The following DHX57 variants were observed in gnomAD, a reference collection of about 807,000 sequenced individuals.
DHX57 encodes putative ATP-dependent RNA helicase DHX57.
Under a neutral mutation model 156.2 loss-of-function variants are expected in DHX57, and 105 were observed. The observed-to-expected ratio is 0.67, with a 90% confidence interval of 0.57 to 0.79. The LOEUF (loss-of-function observed/expected upper bound fraction) is 0.79, where lower values mean the gene tolerates loss of function less well. Among genes scored for constraint, DHX57 ranks in the 30% least tolerant of loss-of-function variants. DHX57 has a pLI of 0.00. For missense variants in DHX57, 1,847 were observed against 1,661.9 expected, an observed-to-expected ratio of 1.11 and a Z score of -1.94; for synonymous variants, 704 against 595.6, an observed-to-expected ratio of 1.18 and a Z score of -2.65.
In DHX57 at chr2:38,813,765, C is replaced by T. The variant is rs1408455601; in HGVS notation, c.3681+56G>A. ...TTAATATGCACATCTTAACTTACAT[C>T]ACTTGGCTACAAATCAAACAAAAAA... On this transcript the variant is annotated intron_variant, in intron 21 of 23. Transcript: ENST00000457308. 4.4e-6 allele frequency: 7 copies of T among 1,582,014 alleles called. No individual in the cohort carries two copies. The African/African-American group carries it at 6.7e-5, about 15-fold the overall frequency.
At chr2:38,799,021 A>G (rs1291587283) in intron 23 of DHX57, among the ~76,000 whole-genome samples, 2 of 152,074 alleles carry the variant, frequency 1.3e-5, no homozygotes, top group Non-Finnish European at 2.9e-5. Context: ...AGTTTGGTCA[A>G]TTTTTATGAT....
chr2:38,798,489 G>A lies in DHX57; in HGVS notation c.4018-47C>T, dbSNP rs1558345956. ...AAGCAGTGCTTGGAGGAACAGGCAG[G>A]ATAGGTTATTGGAGGGAAATACCCA... On this transcript the variant is annotated intron_variant, in intron 23 of 23. Coordinates refer to ENST00000457308, the MANE Select transcript of DHX57 (RefSeq NM_198963.3). The A allele has an allele frequency of 1.9e-6, 3 of 1,555,748 alleles. No individual in the cohort carries two copies. In the South Asian group the frequency reaches 3.7e-5, roughly 19 times the overall value.
rs566884967 is a variant in DHX57 at position 38,799,566 on chromosome 2, C to T, written c.4018-1124G>A. The stretch of plus-strand genomic sequence containing the variant: ...GGAAGTTCGAGACCAGCTTGACCAA[C>T]ATGGAGAAACCCCATCTCTACTAAA... On this transcript the variant is annotated intron_variant, in intron 23 of 23. Transcript: ENST00000457308. Among the ~76,000 whole-genome samples, 3 of 146,798 alleles carry T rather than the reference C, an allele frequency of 2.0e-5. No homozygotes were observed. In the East Asian group the frequency reaches 6.3e-4, roughly 31 times the overall value.
chr2:38,831,793 G>C (rs943646160), intron 13 of DHX57, among the ~76,000 whole-genome samples: 3 of 149,574 alleles, frequency 2.0e-5, no homozygotes, highest in Admixed American at 6.8e-5. Context: ...GGAGGCGGAG[G>C]TTGCAGTGAG....
intron 4 of DHX57, 148 bp downstream of exon 4, chr2:38,861,997 A>C: frequency 8.4e-7 from 1 of 1,196,650 alleles, no homozygotes; most frequent in Non-Finnish European, 1.1e-6. Flanking sequence ...CCCCTGAATG[A>C]CCCCTTCTGA....
intron 12 of DHX57, among the ~76,000 whole-genome samples, chr2:38,841,819 G>C (rs1672023031): frequency 6.6e-6 from 1 of 152,154 alleles, no homozygotes; most frequent in Non-Finnish European, 1.5e-5. Flanking sequence ...GACCACATAG[G>C]AACAAAGAGT....
At chr2:38,851,621 C>A (rs1413750158) in intron 9 of DHX57, among the ~76,000 whole-genome samples, 1 of 152,046 alleles carries the variant, frequency 6.6e-6, no homozygotes, top group Non-Finnish European at 1.5e-5. Flanking sequence ...TCTACAGATC[C>A]TTAGGTTTTA....
At chr2:38,851,298 A>G (rs1672580562) in intron 9 of DHX57, among the ~76,000 whole-genome samples, 1 of 152,160 alleles carries the variant, frequency 6.6e-6, no homozygotes, top group Admixed American at 6.6e-5. Flanking sequence ...ATTTTTTGGT[A>G]TTTACTGTAT....
rs536966549 is a variant in DHX57, at chr2:38,831,511, A to AT, written c.2543-3076dup. 8.6e-5 allele frequency among the ~76,000 whole-genome samples: 13 copies of AT among 151,370 alleles called. No homozygotes were observed. In the South Asian group the frequency reaches 2.1e-3, roughly 24 times the overall value. The stretch of plus-strand genomic sequence containing the variant: ...TTCTAACATTTCTTCTTCATTTCTG[A>AT]TTTTTTTGCTATGCTTGATTTTTTT... On this transcript the variant is annotated intron_variant, in intron 13 of 23. Coordinates refer to ENST00000457308, the MANE Select transcript of DHX57 (RefSeq NM_198963.3).
At chr2:38,811,147 C>A in intron 21 of DHX57, 1 of 524,842 alleles carries the variant, frequency 1.9e-6, no homozygotes, top group Non-Finnish European at 3.6e-6. Flanking sequence ...TCCATGGGTG[C>A]TTCAGAGTGA....
In DHX57 at chr2:38,826,320, A is replaced by C. The variant is rs148781111; in HGVS notation, c.2813+196T>G. 7.9e-5 allele frequency among the ~76,000 whole-genome samples: 12 copies of C among 152,296 alleles called. No homozygotes were observed. The East Asian group carries it at 2.3e-3, about 29-fold the overall frequency. ...GACAAAAAGAGAGAAAAAGCAATTC[A>C]TTACTTTTCATCCCCATTTGATGTT... On this transcript the variant is annotated intron_variant, in intron 15 of 23. Coordinates refer to ENST00000457308, the MANE Select transcript of DHX57 (RefSeq NM_198963.3).
chr2:38,850,333 A>C (rs1460085456), intron 9 of DHX57, among the ~76,000 whole-genome samples: 3 of 152,022 alleles, frequency 2.0e-5, no homozygotes, highest in African/African-American at 7.2e-5. Context: ...CCCAGGCTGG[A>C]GTGCAGTGGC....
intron 21 of DHX57, among the ~76,000 whole-genome samples, chr2:38,807,292 C>T (rs1231266230): frequency 1.3e-5 from 2 of 151,892 alleles, no homozygotes; most frequent in African/African-American, 2.4e-5. Flanking sequence ...TGACCTCAAG[C>T]GATCTGCCTG....
At chr2:38,808,961 C>T (rs542605407) in intron 21 of DHX57, among the ~76,000 whole-genome samples, 169 of 151,980 alleles carry the variant, frequency 1.1e-3, no homozygotes, top group African/African-American at 3.7e-3. Flanking sequence ...TCTGTGTTGC[C>T]CAGGCTGGAG....
intron 1 of DHX57, among the ~76,000 whole-genome samples, chr2:38,869,219 C>T (rs1665240522): frequency 1.3e-5 from 2 of 152,122 alleles, no homozygotes; most frequent in African/African-American, 4.8e-5. Context: ...GAGATTCTGC[C>T]AAGGGCAAAA....
chr2:38,816,901 C>G (rs537660956), intron 19 of DHX57, among the ~76,000 whole-genome samples: 8 of 151,836 alleles, frequency 5.3e-5, no homozygotes, highest in Non-Finnish European at 1.2e-4. Context: ...TACACATATC[C>G]TAATGAAAAA....
At chr2:38,828,049 T>A (rs1246195898) in intron 14 of DHX57, among the ~76,000 whole-genome samples, 1 of 152,050 alleles carries the variant, frequency 6.6e-6, no homozygotes, top group East Asian at 1.9e-4. Flanking sequence ...AGAGATGAGG[T>A]TTCTCCACGT....
chr2:38,856,624 C>A, intron 6 of DHX57, 163 bp from the exon 7 acceptor site: 1 of 869,658 alleles, frequency 1.1e-6, no homozygotes, highest in Non-Finnish European at 1.6e-6. Flanking sequence ...CCGCCTCAAG[C>A]TCCCAAGTAG....
chr2:38,862,590 G>A, intron 3 of DHX57: 1 of 278,810 alleles, frequency 3.6e-6, no homozygotes, highest in Non-Finnish European at 6.5e-6. Context: ...AATACTACTG[G>A]AATGTCCTTT....
Sources: gnomAD v4.1 joint callset for allele counts (sites outside exome capture counted in the v4.1 genomes callset) on GRCh38, gnomAD v4.1.1 for gene constraint, MANE v1.5 for transcripts, NCBI Gene and HGNC (gene_info 2026-07-23, HGNC 2026-07-21) for gene names.